DGKZ: variants seen among roughly 807,000 people sequenced by gnomAD.
The protein encoded by DGKZ is diacylglycerol kinase zeta.
DGKZ carries 45 observed loss-of-function variants against 142.5 expected under a neutral mutation model. That is an observed-to-expected ratio of 0.32 (90% CI 0.25 to 0.40). The LOEUF (loss-of-function observed/expected upper bound fraction) is 0.40, where lower values mean the gene tolerates loss of function less well. Ranked by LOEUF, DGKZ falls within the 10% of genes least tolerant of loss-of-function variation. DGKZ has a pLI of 1.00. For missense variants in DGKZ, 755 were observed against 1,306.5 expected, an observed-to-expected ratio of 0.58 and a Z score of 6.51; for synonymous variants, 442 against 527.0, an observed-to-expected ratio of 0.84 and a Z score of 2.21.
chr11:46,366,789 G>A (rs1415504080), intron 1 of DGKZ: 2 of 1,547,992 alleles, frequency 1.3e-6, no homozygotes, highest in South Asian at 1.2e-5. Flanking sequence ...CACGCTCTCT[G>A]GGGCCTGCAC....
chr11:46,366,220 G>GCTCC (rs1296233519), intron 1 of DGKZ: 6 of 1,529,250 alleles, frequency 3.9e-6, no homozygotes, highest in Non-Finnish European at 5.2e-6. Context: ...AGCTCCTGAT[G>GCTCC]CTCCCGGTCT....
At chr11:46,354,909 G>A (rs184250210) in intron 1 of DGKZ, among the ~76,000 whole-genome samples, 10 of 152,288 alleles carry the variant, frequency 6.6e-5, no homozygotes, top group African/African-American at 2.4e-4. Flanking sequence ...CGATTCCATT[G>A]TGTAACAGCA....
intron 9 of DGKZ, 63 bp downstream of exon 9, chr11:46,371,838 A>G (rs1294593889): frequency 6.4e-7 from 1 of 1,554,620 alleles, no homozygotes; most frequent in East Asian, 2.3e-5. Flanking sequence ...TGCTCAGGGT[A>G]CAGAACTTCC....
At chr11:46,354,002 G>C (rs921210075) in intron 1 of DGKZ, among the ~76,000 whole-genome samples, 5 of 152,224 alleles carry the variant, frequency 3.3e-5, no homozygotes, top group Admixed American at 6.5e-5. Context: ...AAGGGGGCAA[G>C]CTGGTTCTTG....
chr11:46,351,606 C>T (rs530208823), intron 1 of DGKZ, among the ~76,000 whole-genome samples: 65 of 152,262 alleles, frequency 4.3e-4, no homozygotes, highest in African/African-American at 1.5e-3. Context: ...TGTCTGGGAG[C>T]GAAAGGAAAC....
At chr11:46,377,298 C>A in intron 25 of DGKZ, 86 bp downstream of exon 25, 1 of 1,472,444 alleles carries the variant, frequency 6.8e-7, no homozygotes. Flanking sequence ...CTTCTAGCCC[C>A]TCCACCAGTT....
intron 29 of DGKZ, 26 bp downstream of exon 29, chr11:46,379,262 G>A (rs774861234): frequency 5.6e-6 from 9 of 1,612,962 alleles, no homozygotes; most frequent in Admixed American, 3.3e-5. Flanking sequence ...GTGCAGAACC[G>A]TGGTCACCCC....
Position 46,347,951 on chromosome 11 carries a change from C to G in DGKZ, c.161+131C>G. 1 of 1,215,756 alleles carries G rather than the reference C, an allele frequency of 8.2e-7. No homozygotes were observed. Among genetic ancestry groups the G allele is most frequent in the Non-Finnish European group, 1.0e-6 (1 of 964,536 alleles). The allele number at this position is 1,215,756 out of a possible 1,614,324, so 75.3% of individuals were successfully genotyped here. ...ACACTGAGTCGGGGAGAGGCTGGCA[C>G]CGGCGGCACGAGCCGTCTTGGCGTG... is the stretch of plus-strand genomic sequence containing the variant. On this transcript the variant is annotated intron_variant, in intron 1 of 30. Transcript: ENST00000527911. This position sits in a 1 kb window ranked among gnomAD's most constrained non-coding sequence, Gnocchi z 6.4.
rs746859579 is a variant in DGKZ, at chr11:46,366,282, T to TC, written c.162-1007dup. ...ATGGAGACTTTCTTTAGGAGACATT[T>TC]CCGGGGGAAGGTGCCAGGCCCTGGA... On this transcript the variant is annotated intron_variant, in intron 1 of 30. Transcript: ENST00000527911. 3 of 1,583,320 alleles carry TC rather than the reference T, an allele frequency of 1.9e-6. No individual in the cohort carries two copies. The African/African-American group carries it at 4.1e-5, about 22-fold the overall frequency.
intron 1 of DGKZ, among the ~76,000 whole-genome samples, chr11:46,353,887 G>A (rs1015597077): frequency 7.2e-5 from 11 of 152,210 alleles, no homozygotes; most frequent in Non-Finnish European, 8.8e-5. Flanking sequence ...GCCTGGGCCC[G>A]CACCGCCCAC....
chr11:46,357,595 T>G (rs1286059007), intron 1 of DGKZ, among the ~76,000 whole-genome samples: 1 of 152,256 alleles, frequency 6.6e-6, no homozygotes, highest in African/African-American at 2.4e-5. Context: ...TCTTTCCTCC[T>G]GCACTGATCA....
intron 1 of DGKZ, among the ~76,000 whole-genome samples, chr11:46,349,729 AC>A (rs1941129132): frequency 6.6e-6 from 1 of 152,196 alleles, no homozygotes; most frequent in Admixed American, 6.5e-5. Flanking sequence ...GATGAAAGAA[AC>A]ACAGTCAGAG....
At chr11:46,352,126 G>GC (rs1223047849) in intron 1 of DGKZ, among the ~76,000 whole-genome samples, 5 of 152,142 alleles carry the variant, frequency 3.3e-5, no homozygotes, top group Non-Finnish European at 4.4e-5. Context: ...TTCGCCAGTG[G>GC]CCCCCCCGGG....
chr11:46,339,279 A>G (rs1259103292), intron 1 of DGKZ, among the ~76,000 whole-genome samples: 1 of 152,236 alleles, frequency 6.6e-6, no homozygotes, highest in African/African-American at 2.4e-5. Context: ...TTGTAATTTA[A>G]ATAGCAACAG....
chr11:46,362,983 C>T (rs1312610461), intron 1 of DGKZ, among the ~76,000 whole-genome samples: 6 of 152,200 alleles, frequency 3.9e-5, no homozygotes, highest in Admixed American at 3.9e-4. Context: ...CATCCTGTCC[C>T]CATTGGTGTA....
At chr11:46,365,072 G>A (rs1481832581) in intron 1 of DGKZ, 1 of 985,312 alleles carries the variant, frequency 1.0e-6, no homozygotes, top group African/African-American at 1.7e-5. Flanking sequence ...GCTCGATGCT[G>A]GCTGTGAAGA....
chr11:46,364,958 T>G, intron 1 of DGKZ: 2 of 985,434 alleles, frequency 2.0e-6, no homozygotes, highest in Non-Finnish European at 2.4e-6. Context: ...GGAGATCACC[T>G]GCTGTGGGGC....
chr11:46,376,112 G>T, exon 22 of DGKZ: 2 of 1,611,460 alleles, frequency 1.2e-6, no homozygotes, highest in Non-Finnish European at 1.7e-6. Flanking sequence ...GTGACCTAGA[G>T]CTCTGCCGTG....
In DGKZ at chr11:46,367,148, G is replaced by C; in HGVS notation, c.162-143G>C. 8.1e-7 allele frequency: 1 copy of C among 1,236,820 alleles called. No individual in the cohort carries two copies. The highest frequency in any genetic ancestry group is 1.3e-5 in the South Asian group (1 of 76,550). The allele number at this position is 1,236,820 out of a possible 1,614,324, so 76.6% of individuals were successfully genotyped here. A position where few individuals can be genotyped will look rare whatever the true frequency, so the allele number is the denominator to read the frequency against. On this transcript the variant is annotated intron_variant, in intron 1 of 30. Coordinates refer to ENST00000527911, the Ensembl canonical transcript of DGKZ. The surrounding 1 kb of genome is among the most constrained non-coding windows in gnomAD (Gnocchi z 4.1). Reference sequence around the variant, plus strand: ...CAAAAGGCCATGTCTCTTGCAGGGAGCCTCTTAGTGTCTGGGGCTGCTGGG... The same window carrying C: ...CAAAAGGCCATGTCTCTTGCAGGGACCCTCTTAGTGTCTGGGGCTGCTGGG...
Sources: allele counts gnomAD v4.1 joint callset (sites outside exome capture counted in the v4.1 genomes callset), GRCh38; gene constraint gnomAD v4.1.1; non-coding constraint Gnocchi (gnomAD v3.1); transcripts MANE v1.5; gene names NCBI Gene and HGNC (gene_info 2026-07-23, HGNC 2026-07-21).